Variants in SLC4A4 observed in about 807,000 individuals in gnomAD.
SLC4A4 encodes the protein electrogenic sodium bicarbonate cotransporter 1.
In SLC4A4, 27 loss-of-function variants were observed where a neutral mutation model predicts 111.5. The observed-to-expected ratio is 0.24, with a 90% CI of 0.18 to 0.33. The LOEUF is 0.33. Ranked by LOEUF, SLC4A4 falls within the 10% of genes least tolerant of loss-of-function variation. SLC4A4 has a pLI of 1.00. For missense variants in SLC4A4, 909 were observed against 1,315.5 expected, an observed-to-expected ratio of 0.69 and a Z score of 4.78; for synonymous variants, 443 against 463.4, an observed-to-expected ratio of 0.96 and a Z score of 0.57.
Position 71,472,853 on chromosome 4 carries a change from T to G in SLC4A4, c.1786T>G (p.Phe596Val). Reference sequence around the variant, plus strand: ...CTTTTCCTCTCTGATTAGCTTCATCTTTATCTATGATGCTTTCAAGAAGAT... The same window carrying G: ...CTTTTCCTCTCTGATTAGCTTCATCGTTATCTATGATGCTTTCAAGAAGAT... ...EGFSSLISFI[F>V]IYDAFKKMIK... Residue 596 changes from phenylalanine (F) to valine (V), a missense_variant, in exon 14 of 26, where the codon TTT becomes GTT. By Grantham distance (50) the Phe-to-Val change is conservative (BLOSUM62 -1). Coordinates refer to ENST00000264485, the MANE Select transcript of SLC4A4 (RefSeq NM_001098484.3). 6.2e-7 allele frequency: 1 copy of G among 1,612,936 alleles called. No individual in the cohort carries two copies. The highest frequency in any genetic ancestry group is 2.2e-5 in the East Asian group (1 of 44,780).
intron 3 of SLC4A4, among the ~76,000 whole-genome samples, chr4:71,334,141 G>A (rs1728238466): frequency 6.6e-6 from 1 of 152,128 alleles, no homozygotes; most frequent in African/African-American, 2.4e-5. Flanking sequence ...AGCCAGCATA[G>A]CTCTGGATCT....
At chr4:71,432,418 T>C (rs899491779) in intron 7 of SLC4A4, among the ~76,000 whole-genome samples, 1 of 152,182 alleles carries the variant, frequency 6.6e-6, no homozygotes, top group African/African-American at 2.4e-5. Context: ...GGACAATTTA[T>C]AATTGCAACT....
chr4:71,108,999 G>A (rs566208835), intron 2 of SLC4A4, among the ~76,000 whole-genome samples: 7 of 151,748 alleles, frequency 4.6e-5, no homozygotes, highest in Non-Finnish European at 8.8e-5. Flanking sequence ...TTTTCTGTTG[G>A]TTTATATATA....
intron 3 of SLC4A4, among the ~76,000 whole-genome samples, chr4:71,263,076 G>A (rs112945878): frequency 0.035 from 4,877 of 138,482 alleles, 217 homozygotes; most frequent in African/African-American, 0.11. Context: ...ATGTGTTCTC[G>A]TTGTTCAATT....
intron 3 of SLC4A4, among the ~76,000 whole-genome samples, chr4:71,317,248 T>C (rs2148862661): frequency 6.6e-6 from 1 of 152,200 alleles, no homozygotes; most frequent in East Asian, 1.9e-4. Context: ...AAGAAAATCA[T>C]TTTCCAAAGC....
intron 6 of SLC4A4, among the ~76,000 whole-genome samples, chr4:71,384,833 C>G (rs1718514946): frequency 6.6e-6 from 1 of 151,174 alleles, no homozygotes; most frequent in African/African-American, 2.4e-5. Flanking sequence ...GACTTCTTAC[C>G]TTGTGAAAAA....
At chr4:71,221,968 C>T (rs1465008989) in intron 1 of SLC4A4, among the ~76,000 whole-genome samples, 1 of 152,136 alleles carries the variant, frequency 6.6e-6, no homozygotes, top group African/African-American at 2.4e-5. Context: ...CTAGTTGTGG[C>T]CCCAGAAAGA....
Position 71,407,673 on chromosome 4 carries a change from A to G in SLC4A4, c.807+10020A>G, listed in dbSNP as rs146410842. ...ATGCAACTATCTAGAGTTTAGCAATACAAGTAAAAGACTTAGTTCATCTAA... is the reference window on the plus strand; with the variant it reads ...ATGCAACTATCTAGAGTTTAGCAATGCAAGTAAAAGACTTAGTTCATCTAA... On this transcript the variant is annotated intron_variant, in intron 7 of 25. Transcript: ENST00000264485. Among the ~76,000 whole-genome samples, 148 of 152,360 alleles carry G rather than the reference A, an allele frequency of 9.7e-4. 2 individuals are homozygous for G. The East Asian group carries it at 0.028, about 29-fold the overall frequency.
At chr4:71,233,214 A>G in intron 1 of SLC4A4, 1 of 951,162 alleles carries the variant, frequency 1.1e-6, no homozygotes, top group Non-Finnish European at 1.3e-6. Context: ...TGCCTGCAAC[A>G]TAGTAGTAGC....
intron 7 of SLC4A4, among the ~76,000 whole-genome samples, chr4:71,419,495 G>C (rs186873456): frequency 1.3e-5 from 2 of 152,220 alleles, no homozygotes; most frequent in Non-Finnish European, 2.9e-5. Context: ...AGGACCCTCC[G>C]AGCCAGGTGC....
At chr4:71,229,330 A>G (rs142117112) in intron 1 of SLC4A4, among the ~76,000 whole-genome samples, 8 of 152,276 alleles carry the variant, frequency 5.3e-5, no homozygotes, top group African/African-American at 1.9e-4. Flanking sequence ...TTAATTCTGG[A>G]CTTTTCTACT....
At chr4:71,310,504 A>G (rs546419019) in intron 3 of SLC4A4, among the ~76,000 whole-genome samples, 3 of 152,348 alleles carry the variant, frequency 2.0e-5, no homozygotes, top group South Asian at 2.1e-4. Context: ...CAGAAACCCT[A>G]CAAGCCAGAA....
intron 2 of SLC4A4, among the ~76,000 whole-genome samples, chr4:71,109,550 CTT>C (rs1160826004): frequency 2.7e-5 from 4 of 145,620 alleles, no homozygotes; most frequent in Admixed American, 6.9e-5. Flanking sequence ...ATTTTTCTAC[CTT>C]TTTTTTTTTG....
intron 24 of SLC4A4, among the ~76,000 whole-genome samples, chr4:71,565,768 C>G (rs12644022): frequency 0.89 from 135,736 of 151,728 alleles, 62,355 homozygotes; most frequent in Non-Finnish European, 0.99. Flanking sequence ...GTATCCACCC[C>G]CTGAGGTTCC....
At chr4:71,093,174 T>A (rs1742436004) in intron 2 of SLC4A4, among the ~76,000 whole-genome samples, 1 of 152,144 alleles carries the variant, frequency 6.6e-6, no homozygotes, top group African/African-American at 2.4e-5. Flanking sequence ...CTTTTCTTTT[T>A]TTCCTTTTTC....
chr4:71,456,613 T>C (rs1216326718), intron 12 of SLC4A4, among the ~76,000 whole-genome samples: 1 of 152,188 alleles, frequency 6.6e-6, no homozygotes, highest in Admixed American at 6.5e-5. Flanking sequence ...ATGGCAGAAG[T>C]TGATTCATTC....
chr4:71,158,169 C>T (rs1744529177), intron 2 of SLC4A4, among the ~76,000 whole-genome samples: 1 of 150,980 alleles, frequency 6.6e-6, no homozygotes, highest in East Asian at 1.9e-4. Context: ...CTTTCTCTCT[C>T]CCTTTTATTT....
intron 7 of SLC4A4, among the ~76,000 whole-genome samples, chr4:71,398,143 G>C (rs2148979779): frequency 6.6e-6 from 1 of 152,104 alleles, no homozygotes; most frequent in African/African-American, 2.4e-5. Flanking sequence ...AAATTAGCCA[G>C]GCACGGTGGC....
At chr4:71,215,975 G>T (rs1166049113) in intron 1 of SLC4A4, among the ~76,000 whole-genome samples, 1 of 150,278 alleles carries the variant, frequency 6.7e-6, no homozygotes, top group African/African-American at 2.5e-5. Context: ...CGTGATCTTG[G>T]CTAATTGCAT....
Sources: gnomAD v4.1 joint callset for allele counts (sites outside exome capture counted in the v4.1 genomes callset) on GRCh38, gnomAD v4.1.1 for gene constraint, MANE v1.5 for transcripts, NCBI Gene and HGNC (gene_info 2026-07-23, HGNC 2026-07-21) for gene names.